The following BAIAP2 variants were observed in gnomAD, a reference collection of about 807,000 sequenced individuals.
BAIAP2 encodes the protein BAR/IMD domain-containing adapter protein 2.
A neutral mutation model predicts 63.0 loss-of-function variants in BAIAP2; 18 were observed. The observed-to-expected ratio is 0.29, with a 90% CI of 0.20 to 0.42. BAIAP2 has a LOEUF of 0.42. Among genes scored for constraint, BAIAP2 ranks in the 10% least tolerant of loss-of-function variants. The pLI, the probability that BAIAP2 is intolerant of heterozygous loss-of-function variation, is 1.00. For missense variants in BAIAP2, 610 were observed against 734.3 expected (o/e 0.83, Z 1.96); for synonymous variants, 386 against 307.6 (o/e 1.25, Z -2.67).
At chr17:81,112,134 G>A (rs2059995765) in intron 13 of BAIAP2, among the ~76,000 whole-genome samples, 4 of 152,212 alleles carry the variant, frequency 2.6e-5, no homozygotes, top group African/African-American at 7.2e-5. Context: ...CTTCCGAGAC[G>A]CTGTTTCTGG....
chr17:81,047,581 C>G (rs1400980808), intron 1 of BAIAP2, among the ~76,000 whole-genome samples: 2 of 151,842 alleles, frequency 1.3e-5, no homozygotes, highest in Non-Finnish European at 2.9e-5. Context: ...CCAGCTCATG[C>G]CCACAGCACA....
In BAIAP2 at chr17:81,104,118, C is replaced by G; in HGVS notation, c.1066+10C>G. On this transcript the variant is annotated intron_variant, in intron 9 of 13. Transcript: ENST00000428708. ...AACAGCTATGCCACCAGTAAGGGCT[C>G]CGCTGGGGTGTTGGGCTGGGGTCCC... The G allele has an allele frequency of 1.2e-6, 2 of 1,612,852 alleles. No homozygotes were observed. The highest frequency in any genetic ancestry group is 1.7e-6 in the Non-Finnish European group (2 of 1,179,796).
chr17:81,052,414 C>A (rs1222121722), intron 1 of BAIAP2, among the ~76,000 whole-genome samples: 2 of 152,254 alleles, frequency 1.3e-5, no homozygotes, highest in Admixed American at 1.3e-4. Context: ...GGCGCCCTCA[C>A]CCTTGCTGCG....
chr17:81,104,951 C>T (rs984249771), intron 10 of BAIAP2: 3 of 514,706 alleles, frequency 5.8e-6, no homozygotes, highest in Non-Finnish European at 1.1e-5. Context: ...GGGGTCTTCC[C>T]CTACAGGAGG....
At position 81,043,273 on chromosome 17, in the gene BAIAP2, G is replaced by A. The variant is rs542755469; in HGVS notation, c.54+7965G>A. On this transcript the variant is annotated intron_variant, in intron 1 of 13. Coordinates refer to ENST00000428708, the MANE Select transcript of BAIAP2 (RefSeq NM_001144888.2). ...ACCCGTTTTTCCAGCCCCCTCTTCC[G>A]TGGCCGACTATGTCTGCCAGAGGAG... is the stretch of plus-strand genomic sequence containing the variant. Among the ~76,000 whole-genome samples the A allele has an allele frequency of 3.9e-5, 6 of 152,298 alleles. No individual in the cohort carries two copies. In the East Asian group the frequency reaches 7.7e-4, roughly 20 times the overall value.
At chr17:81,110,296 A>G in intron 13 of BAIAP2, 2 of 986,324 alleles carry the variant, frequency 2.0e-6, no homozygotes, top group Non-Finnish European at 2.4e-6. Flanking sequence ...GGCCCTGTGT[A>G]GAGACCCTTC....
chr17:81,039,006 A>G (rs903940358), intron 1 of BAIAP2, among the ~76,000 whole-genome samples: 1 of 152,184 alleles, frequency 6.6e-6, no homozygotes, highest in South Asian at 2.1e-4. Context: ...GCACACGTGC[A>G]TGCAGTGCTT....
At chr17:81,070,540 G>C (rs1462283311) in intron 3 of BAIAP2, among the ~76,000 whole-genome samples, 1 of 152,212 alleles carries the variant, frequency 6.6e-6, no homozygotes, top group African/African-American at 2.4e-5. Flanking sequence ...GCACAGGGAG[G>C]GTTGCTGCAG....
At chr17:81,109,866 A>C (rs535174634) in intron 13 of BAIAP2, 7 of 985,078 alleles carry the variant, frequency 7.1e-6, no homozygotes, top group Non-Finnish European at 8.4e-6. Context: ...GCCCCGGGCT[A>C]CCTGGCTGCT....
chr17:81,039,066 G>A (rs754288703), intron 1 of BAIAP2, among the ~76,000 whole-genome samples: 38 of 152,382 alleles, frequency 2.5e-4, no homozygotes, highest in Middle Eastern at 3.4e-3. Context: ...CCATCTTGCC[G>A]CAGGGTGGCT....
chr17:81,096,076 T>G (rs1358017594), intron 6 of BAIAP2, among the ~76,000 whole-genome samples: 1 of 152,154 alleles, frequency 6.6e-6, no homozygotes. Context: ...CAGCCTAGTT[T>G]ACACTGCTGT....
chr17:81,036,358 G>T (rs1357565466), intron 1 of BAIAP2, among the ~76,000 whole-genome samples: 2 of 152,156 alleles, frequency 1.3e-5, no homozygotes, highest in African/African-American at 2.4e-5. Flanking sequence ...TATTTACCCG[G>T]CAGTCGCTGG....
intron 1 of BAIAP2, among the ~76,000 whole-genome samples, chr17:81,041,373 G>A (rs1378355677): frequency 6.6e-6 from 1 of 152,194 alleles, no homozygotes; most frequent in Middle Eastern, 3.2e-3. Context: ...GATGGGCAGG[G>A]GTGGGATGCA....
intron 1 of BAIAP2, among the ~76,000 whole-genome samples, chr17:81,048,859 G>A (rs183993484): frequency 1.2e-4 from 19 of 152,278 alleles, no homozygotes; most frequent in South Asian, 2.1e-4. Context: ...CCAAGCGTGC[G>A]GGCATCCCTG....
intron 1 of BAIAP2, among the ~76,000 whole-genome samples, chr17:81,043,281 C>T (rs886140087): frequency 2.6e-5 from 4 of 152,256 alleles, no homozygotes; most frequent in Non-Finnish European, 4.4e-5. Flanking sequence ...CCGTGGCCGA[C>T]TATGTCTGCC....
chr17:81,092,258 G>A (rs78219655), intron 6 of BAIAP2, among the ~76,000 whole-genome samples: 3 of 152,206 alleles, frequency 2.0e-5, no homozygotes, highest in South Asian at 2.1e-4. Flanking sequence ...CCCATGGCAC[G>A]TGTGAGGGGC....
chr17:81,103,093 G>A (rs2145887224), intron 7 of BAIAP2, among the ~76,000 whole-genome samples: 1 of 152,306 alleles, frequency 6.6e-6, no homozygotes, highest in Admixed American at 6.5e-5. Flanking sequence ...CCTGCCCTCG[G>A]CAGCCAGGCC....
At position 81,115,789 on chromosome 17, in the gene BAIAP2, C is replaced by T. The variant is rs2060490689; in HGVS notation, c.1555C>T (p.Gln519Ter). The change falls in exon 14 of 14, where the codon CAG becomes TAG. Residue 519 changes from glutamine to a stop codon, truncating the protein, a stop_gained. Coordinates refer to ENST00000428708, the MANE Select transcript of BAIAP2 (RefSeq NM_001144888.2). LOFTEE classifies it high-confidence loss of function. ...SMSRNPFAHVQLKPTVTNDRS... is the reference protein window; with the variant it reads ...SMSRNPFAHV ...TTTCAGGAATCCCTTTGCCCACGTC[C>T]AGCTGAAGCCGACAGTGACCAACGA... 6.2e-7 allele frequency: 1 copy of T among 1,613,544 alleles called. No homozygotes were observed. Among genetic ancestry groups the T allele is most frequent in the Non-Finnish European group, 8.5e-7 (1 of 1,180,024 alleles).
In BAIAP2 at chr17:81,035,215, T is replaced by TC. The variant is rs1447800762; in HGVS notation, c.-35dup. ...ACCGCCGCTGCTGCCGCCGCTTGCG[T>TC]CCCCCGCTCCGGTCTGTGGTGCAGC... is the stretch of plus-strand genomic sequence containing the variant. On this transcript the variant is annotated 5_prime_UTR_variant, in exon 1 of 14. Coordinates refer to ENST00000428708, the MANE Select transcript of BAIAP2 (RefSeq NM_001144888.2). 8 of 1,453,900 alleles carry TC rather than the reference T, an allele frequency of 5.5e-6. No homozygotes were observed. Among genetic ancestry groups the TC allele is most frequent in the Middle Eastern group, 1.8e-4 (1 of 5,432 alleles). 90.1% of individuals were successfully genotyped at this position (1,453,900 alleles called of 1,614,324 possible). A position where few individuals can be genotyped will look rare whatever the true frequency, so the allele number is the denominator to read the frequency against.
Sources: gnomAD v4.1 joint callset for allele counts (sites outside exome capture counted in the v4.1 genomes callset) on GRCh38, gnomAD v4.1.1 for gene constraint, MANE v1.5 for transcripts, NCBI Gene and HGNC (gene_info 2026-07-23, HGNC 2026-07-21) for gene names.